The following HEATR1 variants were observed in gnomAD, a reference collection of about 807,000 sequenced individuals.
HEATR1 encodes HEAT repeat containing 1.
HEATR1 carries 77 observed loss-of-function variants against 248.2 expected under a neutral mutation model. The ratio of observed to expected loss-of-function variants is 0.31; its 90% CI spans 0.26 to 0.37. The LOEUF is 0.37. HEATR1 is among the 10% of genes least tolerant of loss of function. HEATR1 has a pLI of 1.00. For missense variants in HEATR1, 2,420 were observed against 2,504.9 expected (o/e 0.97, Z 0.72); for synonymous variants, 897 against 923.1 (o/e 0.97, Z 0.51).
At chr1:236,569,480 C>T (rs1663365002) in intron 28 of HEATR1, among the ~76,000 whole-genome samples, 1 of 152,128 alleles carries the variant, frequency 6.6e-6, no homozygotes, top group African/African-American at 2.4e-5. Flanking sequence ...TTCAACAATT[C>T]ATTACAACTC....
rs138699782 is a variant in HEATR1, at chr1:236,574,841, G to A, written c.3147C>T (p.Pro1049=). The change falls in exon 23 of 45, where the codon CCC becomes CCT. Residue 1049 remains proline (P), a synonymous_variant. Coordinates refer to ENST00000366582, the MANE Select transcript of HEATR1 (RefSeq NM_018072.6). ...TGGCCTCATCTTTCAGCACAGCTGT[G>A]GGCTCCTTCTGGATCTTTTCTAGCA... ...EQLLEKIQKE[P]TAVLKDEAMV... is the part of the protein sequence containing the mutation. The A allele has an allele frequency of 6.2e-6, 10 of 1,613,650 alleles. No homozygotes were observed. Among genetic ancestry groups the A allele is most frequent in the Non-Finnish European group, 8.5e-6 (10 of 1,179,736 alleles).
At chr1:236,571,745 A>T in intron 26 of HEATR1, 59 bp from the exon 27 acceptor site, 2 of 1,230,950 alleles carry the variant, frequency 1.6e-6, no homozygotes, top group Non-Finnish European at 2.4e-6. Context: ...ATTCATTGTT[A>T]CATTAATGGC....
At chr1:236,582,166 G>A (rs927389405) in intron 19 of HEATR1, among the ~76,000 whole-genome samples, 1 of 151,960 alleles carries the variant, frequency 6.6e-6, no homozygotes. Flanking sequence ...GTGCAGTGGA[G>A]CGATCTCCGC....
rs11577854 is a variant in HEATR1 at position 236,563,248 on chromosome 1, T to C, written c.4599+1250A>G. Among the ~76,000 whole-genome samples the C allele has an allele frequency of 3.0e-3, 459 of 152,280 alleles. 3 individuals carry two copies. Among genetic ancestry groups the C allele is most frequent in the Middle Eastern group, 6.8e-3 (2 of 294 alleles). ...AGGCCAAAGTAATTCCCATCTATCC[T>C]GCACTGCTGAGAGGAGTTTTTTCCT... is the stretch of plus-strand genomic sequence containing the variant. On this transcript the variant is annotated intron_variant, in intron 32 of 44. Coordinates refer to ENST00000366582, the MANE Select transcript of HEATR1 (RefSeq NM_018072.6).
At chr1:236,585,974 A>G in intron 15 of HEATR1, 33 bp from the exon 16 acceptor site, 1 of 1,611,012 alleles carries the variant, frequency 6.2e-7, no homozygotes, top group Non-Finnish European at 8.5e-7. Context: ...GAGAGCTCTT[A>G]TGTCACCAAC....
At chr1:236,587,286 CACG>C (rs1663918575) in intron 14 of HEATR1, 113 bp downstream of exon 14, 1 of 437,654 alleles carries the variant, frequency 2.3e-6, no homozygotes, top group Non-Finnish European at 4.1e-6. Flanking sequence ...GTTCTACTAC[CACG>C]ACAAAAGGGT....
intron 29 of HEATR1, among the ~76,000 whole-genome samples, chr1:236,567,561 T>C (rs1474431624): frequency 3.9e-5 from 6 of 152,066 alleles, no homozygotes; most frequent in African/African-American, 1.4e-4. Flanking sequence ...AATACAAAAT[T>C]AGCCGGGCGT....
chr1:236,603,116 C>T, intron 3 of HEATR1, 44 bp downstream of exon 3: 1 of 1,474,014 alleles, frequency 6.8e-7, no homozygotes, highest in Non-Finnish European at 9.5e-7. Context: ...TTTACAAGAC[C>T]AAAGTGATTA....
intron 31 of HEATR1, among the ~76,000 whole-genome samples, 162 bp downstream of exon 31, chr1:236,565,756 TC>T (rs758022577): frequency 6.6e-6 from 1 of 152,142 alleles, no homozygotes; most frequent in South Asian, 2.1e-4. Context: ...CAAATGGAAT[TC>T]CGACTATTTT....
intron 12 of HEATR1, among the ~76,000 whole-genome samples, chr1:236,589,865 G>A (rs977208903): frequency 6.6e-6 from 1 of 152,118 alleles, no homozygotes; most frequent in Non-Finnish European, 1.5e-5. Flanking sequence ...CCCACAATTT[G>A]AAGGCTATGT....
chr1:236,553,492 T>C (rs1055079284), intron 43 of HEATR1, 89 bp downstream of exon 43: 4 of 1,278,564 alleles, frequency 3.1e-6, no homozygotes, highest in East Asian at 2.4e-5. Context: ...GCCAGTTTAC[T>C]AGGGGGCCTA....
At chr1:236,553,484 C>T in intron 43 of HEATR1, 97 bp downstream of exon 43, 1 of 1,191,518 alleles carries the variant, frequency 8.4e-7, no homozygotes, top group South Asian at 1.6e-5. Context: ...TCTTCCCTGC[C>T]AGTTTACTAG....
intron 3 of HEATR1, among the ~76,000 whole-genome samples, chr1:236,602,426 G>T (rs537336954): frequency 2.6e-5 from 4 of 152,322 alleles, no homozygotes; most frequent in Admixed American, 1.3e-4. Flanking sequence ...AGATAATGCA[G>T]ATAAAGTGCT....
At chr1:236,591,930 G>T in intron 11 of HEATR1, 63 bp downstream of exon 11, 3 of 932,424 alleles carry the variant, frequency 3.2e-6, no homozygotes, top group South Asian at 1.8e-5. Flanking sequence ...TCCTTCTGGA[G>T]CTCTTCACAT....
intron 36 of HEATR1, 139 bp downstream of exon 36, chr1:236,558,098 C>A (rs1663024270): frequency 1.1e-6 from 1 of 948,258 alleles, no homozygotes; most frequent in Admixed American, 2.8e-5. Context: ...GCCACCACAC[C>A]CTGCAAGATC....
chr1:236,601,780 C>G (rs1256559734), intron 3 of HEATR1, among the ~76,000 whole-genome samples: 2 of 151,094 alleles, frequency 1.3e-5, no homozygotes, highest in South Asian at 4.2e-4. Flanking sequence ...GAGTGGGCCA[C>G]GATCACACCA....
In HEATR1 at chr1:236,559,729, G is replaced by A. The variant is rs757455326; in HGVS notation, c.4755C>T (p.Tyr1585=). The A allele has an allele frequency of 1.1e-5, 18 of 1,612,720 alleles. No individual in the cohort carries two copies. In the Admixed American group the frequency reaches 2.7e-4, roughly 24 times the overall value. Reference sequence around the variant, plus strand: ...GAACACCTACCTTATCTAACAGGTCGTAAGCTTTACTAAGGAGCGCGCGCC... The same window carrying A: ...GAACACCTACCTTATCTAACAGGTCATAAGCTTTACTAAGGAGCGCGCGCC... The part of the protein sequence containing the change: ...KFWRALLSKA[Y]DLLDKVNALL... Residue 1585 remains tyrosine, a synonymous_variant, in exon 34 of 45, where the codon TAC becomes TAT. Coordinates refer to ENST00000366582, the MANE Select transcript of HEATR1 (RefSeq NM_018072.6).
At chr1:236,556,374 T>TCC in intron 37 of HEATR1, 116 bp from the exon 38 acceptor site, 1 of 1,061,868 alleles carries the variant, frequency 9.4e-7, no homozygotes, top group Non-Finnish European at 1.4e-6. Flanking sequence ...TAGCACTTTT[T>TCC]AACTACACAC....
Position 236,581,419 on chromosome 1 carries a change from T to TA in HEATR1, c.2563-6_2563-5insT. ...AAAAACATCTTCTAGATGCACCTAA[T>TA]TAAAAAAAAAAAAAAGCAAACTTTT... is the stretch of plus-strand genomic sequence containing the variant. On this transcript the variant is annotated splice_region_variant and splice_polypyrimidine_tract_variant and intron_variant, in intron 19 of 44. Transcript: ENST00000366582. 7.0e-7 allele frequency: 1 copy of TA among 1,435,064 alleles called. No homozygotes were observed. The highest frequency in any genetic ancestry group is 9.1e-7 in the Non-Finnish European group (1 of 1,096,540). 88.9% of individuals were successfully genotyped at this position (1,435,064 alleles called of 1,614,324 possible).
Sources: allele counts gnomAD v4.1 joint callset (sites outside exome capture counted in the v4.1 genomes callset), GRCh38; gene constraint gnomAD v4.1.1; transcripts MANE v1.5; gene names NCBI Gene and HGNC (gene_info 2026-07-23, HGNC 2026-07-21).